Variants in ZNF800 observed in about 807,000 individuals in gnomAD.
ZNF800 encodes the protein zinc finger protein 800.
In ZNF800, 13 loss-of-function variants were observed where a neutral mutation model predicts 59.5. The ratio of observed to expected loss-of-function variants is 0.22; its 90% CI spans 0.14 to 0.35. The LOEUF (loss-of-function observed/expected upper bound fraction) is 0.35. Ranked by LOEUF, ZNF800 falls within the 10% of genes least tolerant of loss-of-function variation. ZNF800 has a pLI of 1.00. For missense variants in ZNF800, 621 were observed against 783.7 expected, an observed-to-expected ratio of 0.79 and a Z score of 2.48; for synonymous variants, 266 against 265.7, an observed-to-expected ratio of 1.00 and a Z score of -0.01.
At chr7:127,369,371 AAT>A (rs1207171183), downstream of ZNF800, among the ~76,000 whole-genome samples, 10 of 152,064 alleles carry the variant, frequency 6.6e-5, no homozygotes, top group Non-Finnish European at 8.8e-5. Context: ...AAATCACCTA[AAT>A]ATGTGTTTAT....
At chr7:127,364,407 A>G (rs1474603827) in intron 1 of ZNF800, 1 of 152,182 alleles carries the variant, frequency 6.6e-6, no homozygotes, top group African/African-American at 2.4e-5. Flanking sequence ...CGGTGAATCA[A>G]CCAGGATCAA....
At chr7:127,391,792 C>A (rs1043824012) in intron 1 of ZNF800, among the ~76,000 whole-genome samples, 177 bp from the exon 2 acceptor site, 2 of 152,184 alleles carry the variant, frequency 1.3e-5, no homozygotes, top group African/African-American at 2.4e-5. Flanking sequence ...ACTCCCCACA[C>A]AGGTTCATCG....
In ZNF800 at chr7:127,392,585, CTT is replaced by C. The variant is rs1157950391; in HGVS notation, c.-586_-585del. 8 of 213,686 alleles carry C rather than the reference CTT, an allele frequency of 3.7e-5. No individual in the cohort carries two copies. Among genetic ancestry groups the C allele is most frequent in the African/African-American group, 1.4e-4 (6 of 43,936 alleles). 13.2% of individuals were successfully genotyped at this position (213,686 alleles called of 1,614,324 possible). Reference sequence around the variant, plus strand: ...CGGTGGTAGTTGTTGTTTCAGGAAACTTTATTAAGTCAGCCTCTCTTTTACTC... The same window carrying C: ...CGGTGGTAGTTGTTGTTTCAGGAAACTATTAAGTCAGCCTCTCTTTTACTC... On this transcript the variant is annotated 5_prime_UTR_variant, in exon 1 of 6. Transcript: ENST00000265827.
chr7:127,366,380 G>T (rs1021071258), downstream of ZNF800, among the ~76,000 whole-genome samples: 10 of 152,124 alleles, frequency 6.6e-5, no homozygotes, highest in Admixed American at 6.6e-4. Context: ...CATAATTGTG[G>T]ATGTCTGGAA....
At chr7:127,375,773 GT>G (rs1298179708) in intron 4 of ZNF800, among the ~76,000 whole-genome samples, 1 of 151,888 alleles carries the variant, frequency 6.6e-6, no homozygotes, top group Non-Finnish European at 1.5e-5. Flanking sequence ...CACTGGTTAG[GT>G]TTCCATGTAT....
At chr7:127,357,407 C>T (rs1050270828) in intron 1 of ZNF800, among the ~76,000 whole-genome samples, 1 of 152,068 alleles carries the variant, frequency 6.6e-6, no homozygotes, top group Admixed American at 6.6e-5. Context: ...TTCCCTTAGA[C>T]TCTGGCTATG....
downstream of ZNF800, among the ~76,000 whole-genome samples, chr7:127,365,293 A>T (rs1051387953): frequency 2.6e-5 from 4 of 152,098 alleles, no homozygotes; most frequent in African/African-American, 9.7e-5. Context: ...AATGAAGAGG[A>T]ATCTCACATG....
chr7:127,376,834 A>T (rs1399939456), intron 4 of ZNF800, among the ~76,000 whole-genome samples: 4 of 152,016 alleles, frequency 2.6e-5, no homozygotes, highest in Non-Finnish European at 5.9e-5. Context: ...GTTAAAGAAT[A>T]AAGAAGTAAA....
intron 1 of ZNF800, 56 bp downstream of exon 1, chr7:127,392,004 C>G (rs1161182607): frequency 7.8e-6 from 3 of 385,486 alleles, no homozygotes; most frequent in Non-Finnish European, 1.4e-5. Context: ...TACGCACGTG[C>G]GTTGGGGTCT....
chr7:127,347,381 CGG>C (rs1234168557), exon 2 of ZNF800: 1 of 4,066 alleles, frequency 2.5e-4, no homozygotes, highest in Non-Finnish European at 5.3e-4. Context: ...GGGGTTGTGG[CGG>C]GGGGGTGGGG....
intron 3 of ZNF800, 64 bp downstream of exon 3, chr7:127,385,996 G>T: frequency 9.7e-7 from 1 of 1,028,452 alleles, no homozygotes; most frequent in Non-Finnish European, 1.5e-6. Context: ...TTATTTCTAA[G>T]GACTTCTAGG....
downstream of ZNF800, among the ~76,000 whole-genome samples, chr7:127,344,187 A>C (rs1244521700): frequency 1.3e-5 from 2 of 152,046 alleles, no homozygotes; most frequent in African/African-American, 4.8e-5. Context: ...AGGGAGTATT[A>C]ATGAAAGAGT....
rs1801357000 is a variant in ZNF800 at position 127,392,258 on chromosome 7, C to G, written c.-257G>C. The G allele has an allele frequency of 2.5e-6, 1 of 393,122 alleles. No individual in the cohort carries two copies. Among genetic ancestry groups the G allele is most frequent in the South Asian group, 1.3e-4 (1 of 7,822 alleles). The allele number at this position is 393,122 out of a possible 1,614,324, so 24.4% of individuals were successfully genotyped here. ...GCTGACGCGGAAGCGCCACAGCTCA[C>G]CACGTCCCTCCGCGGGCCGAGACGA... On this transcript the variant is annotated 5_prime_UTR_variant, in exon 1 of 6. Transcript: ENST00000265827.
intron 4 of ZNF800, among the ~76,000 whole-genome samples, chr7:127,375,404 C>T (rs1378113352): frequency 1.3e-5 from 2 of 152,032 alleles, no homozygotes; most frequent in South Asian, 2.1e-4. Flanking sequence ...TCTCGTAACT[C>T]AATTGATAAA....
downstream of ZNF800, among the ~76,000 whole-genome samples, chr7:127,344,298 G>T (rs1800020316): frequency 1.3e-5 from 2 of 151,890 alleles, no homozygotes; most frequent in Admixed American, 1.3e-4. Context: ...ATGCAACAAA[G>T]AAATGAAATA....
intron 1 of ZNF800, among the ~76,000 whole-genome samples, chr7:127,358,130 C>T (rs1287582058): frequency 1.3e-5 from 2 of 151,862 alleles, no homozygotes; most frequent in Non-Finnish European, 2.9e-5. Flanking sequence ...AATTAGATAT[C>T]CCTCTACCAC....
At chr7:127,359,735 T>G (rs1247351761) in intron 1 of ZNF800, 1 of 152,052 alleles carries the variant, frequency 6.6e-6, no homozygotes, top group Non-Finnish European at 1.5e-5. Flanking sequence ...TACTTTTAGA[T>G]TCATGTTTAT....
At chr7:127,387,134 C>T (rs187372315) in intron 2 of ZNF800, among the ~76,000 whole-genome samples, 20 of 152,140 alleles carry the variant, frequency 1.3e-4, no homozygotes, top group African/African-American at 4.6e-4. Context: ...CCAAGATTCT[C>T]AGACTAGTAG....
At chr7:127,381,913 A>C (rs999599820) in intron 3 of ZNF800, among the ~76,000 whole-genome samples, 1 of 152,068 alleles carries the variant, frequency 6.6e-6, no homozygotes, top group Non-Finnish European at 1.5e-5. Flanking sequence ...AATTGCAATT[A>C]AAGTTGTTTT....
Sources: gnomAD v4.1 joint callset for allele counts (sites outside exome capture counted in the v4.1 genomes callset) on GRCh38, gnomAD v4.1.1 for gene constraint, MANE v1.5 for transcripts, NCBI Gene and HGNC (gene_info 2026-07-23, HGNC 2026-07-21) for gene names.